PCNX3: variants seen among roughly 807,000 people sequenced by gnomAD.
PCNX3 encodes pecanex-like protein 3.
Under a neutral mutation model 207.2 loss-of-function variants are expected in PCNX3, and 58 were observed. The ratio of observed to expected loss-of-function variants is 0.28; its 90% CI spans 0.23 to 0.35. The LOEUF (loss-of-function observed/expected upper bound fraction) is 0.35, where lower values mean the gene tolerates loss of function less well. PCNX3 is among the 10% of genes least tolerant of loss of function. PCNX3 has a pLI of 1.00. For missense variants in PCNX3, 2,410 were observed against 2,774.4 expected, an observed-to-expected ratio of 0.87 and a Z score of 2.95; for synonymous variants, 1,337 against 1,183.5, an observed-to-expected ratio of 1.13 and a Z score of -2.66.
In PCNX3 at chr11:65,625,633, G is replaced by T; in HGVS notation, c.3136-19G>T. Reference sequence around the variant, plus strand: ...GTCTCTCCTGGCCGGGCAGCTGAATGTCTCTCCTGGCCCTGCAGCGTGAGG... The same window carrying T: ...GTCTCTCCTGGCCGGGCAGCTGAATTTCTCTCCTGGCCCTGCAGCGTGAGG... On this transcript the variant is annotated intron_variant, in intron 18 of 34. Transcript: ENST00000355703. This position sits in a 1 kb window ranked among gnomAD's most constrained non-coding sequence, Gnocchi z 5.6. The T allele has an allele frequency of 6.2e-7, 1 of 1,611,318 alleles. No individual in the cohort carries two copies.
At chr11:65,636,353 C>T (rs749629127) in intron 33 of PCNX3, 38 bp from the exon 34 acceptor site, 2 of 1,596,392 alleles carry the variant, frequency 1.3e-6, no homozygotes, top group African/African-American at 1.3e-5. Flanking sequence ...GGAGTGCAGC[C>T]CAGCTGAGGC....
Position 65,625,715 on chromosome 11 carries a change from A to G in PCNX3, c.3199A>G (p.Ser1067Gly). 1.2e-6 allele frequency: 2 copies of G among 1,611,286 alleles called. No homozygotes were observed. Among genetic ancestry groups the G allele is most frequent in the Non-Finnish European group, 1.7e-6 (2 of 1,179,762 alleles). Residue 1067 changes from serine to glycine, a missense_variant, in exon 19 of 35, where the codon AGC becomes GGC. Ser to Gly is a moderately conservative substitution (Grantham distance 56). This residue lies in a region of PCNX3 where 333 missense variants were observed against 386.8 expected (regional missense o/e 0.86). Coordinates refer to ENST00000355703, the MANE Select transcript of PCNX3 (RefSeq NM_032223.4). This position sits in a 1 kb window ranked among gnomAD's most constrained non-coding sequence, Gnocchi z 5.6. ...GATCGCCGTGCTCACCTTCGCCATC[A>G]GCGCCAGCACCGTCTTTATTGCCCT... Reference protein sequence around the residue: ...VVIAVLTFAISASTVFIALKS... With the variant: ...VVIAVLTFAIGASTVFIALKS...
chr11:65,627,615 T>A, intron 22 of PCNX3, 33 bp downstream of exon 22: 1 of 1,608,660 alleles, frequency 6.2e-7, no homozygotes, highest in Non-Finnish European at 8.5e-7. Flanking sequence ...GACCCCAGGC[T>A]GTCCAATGGG....
chr11:65,626,523 C>T (rs1316708618), intron 20 of PCNX3: 8 of 410,922 alleles, frequency 1.9e-5, no homozygotes, highest in Non-Finnish European at 3.2e-5. Flanking sequence ...TTTTGCTTCC[C>T]AGACTAGCAT....
intron 26 of PCNX3, 89 bp from the exon 27 acceptor site, chr11:65,630,262 G>T (rs897730071): frequency 4.7e-6 from 7 of 1,504,082 alleles, no homozygotes; most frequent in Non-Finnish European, 4.5e-6. Context: ...AATGGCAGCA[G>T]GCCTCTGATG....
At chr11:65,620,722 T>G (rs911116944) in intron 9 of PCNX3, 109 bp from the exon 10 acceptor site, 6 of 1,430,594 alleles carry the variant, frequency 4.2e-6, no homozygotes, top group Non-Finnish European at 4.8e-6. Context: ...TGAGCCCTGG[T>G]TGGTCTCGGC....
At chr11:65,624,775 G>A (rs374829840) in intron 15 of PCNX3, 150 bp from the exon 16 acceptor site, 4 of 945,664 alleles carry the variant, frequency 4.2e-6, no homozygotes, top group South Asian at 1.7e-5. Context: ...AAGCTCTAAA[G>A]GCCGCTTGGG....
rs751630761 is a variant in PCNX3 at position 65,620,432 on chromosome 11, G to A, written c.2099+3G>A. 6.2e-7 allele frequency: 1 copy of A among 1,612,246 alleles called. No homozygotes were observed. Among genetic ancestry groups the A allele is most frequent in the African/African-American group, 1.3e-5 (1 of 74,996 alleles). ...GAGCAGACAGCTAATGGAGCCTGGT[G>A]AGTTCCCAAGCCTGGCCTCCCAAGC... is the stretch of plus-strand genomic sequence containing the variant. On this transcript the variant is annotated splice_donor_region_variant and intron_variant, in intron 9 of 34. Coordinates refer to ENST00000355703, the MANE Select transcript of PCNX3 (RefSeq NM_032223.4).
At position 65,618,503 on chromosome 11, in the gene PCNX3, G is replaced by C; in HGVS notation, c.1141G>C (p.Val381Leu). 3 of 1,610,372 alleles carry C rather than the reference G, an allele frequency of 1.9e-6. No individual in the cohort carries two copies. The highest frequency in any genetic ancestry group is 2.2e-5 in the South Asian group (2 of 90,788). The change falls in exon 6 of 35, where the codon GTG becomes CTG. Residue 381 changes from valine to leucine, a missense_variant. Physicochemically the swap from Val to Leu is conservative, Grantham distance 32. This residue lies in a region of PCNX3 where 1,104 missense variants were observed against 970.3 expected (regional missense o/e 1.14). Transcript: ENST00000355703. ...PPGLAEPLLVVRPKDLALLRP... is the reference protein window; with the variant it reads ...PPGLAEPLLVLRPKDLALLRP... Reference sequence around the variant, plus strand: ...GGGCCTGGCTGAGCCGCTCCTGGTCGTGCGGCCCAAGGACTTGGCCCTGCT... The same window carrying C: ...GGGCCTGGCTGAGCCGCTCCTGGTCCTGCGGCCCAAGGACTTGGCCCTGCT...
At chr11:65,629,765 A>C in intron 26 of PCNX3, 30 bp downstream of exon 26, 1 of 1,545,700 alleles carries the variant, frequency 6.5e-7, no homozygotes, top group Non-Finnish European at 8.7e-7. Context: ...TCGGGTGGGC[A>C]GGCACAGCTC....
At position 65,633,508 on chromosome 11, in the gene PCNX3, C is replaced by T. The variant is rs575697967; in HGVS notation, c.4471-618C>T. 2.9e-3 allele frequency among the ~76,000 whole-genome samples: 436 copies of T among 152,294 alleles called. 2 individuals are homozygous for T. Among genetic ancestry groups the T allele is most frequent in the African/African-American group, 0.01 (425 of 41,572 alleles). On this transcript the variant is annotated intron_variant, in intron 27 of 34. Coordinates refer to ENST00000355703, the MANE Select transcript of PCNX3 (RefSeq NM_032223.4). ...TGATGGGGAAGGTCCGGGGTTCAGG[C>T]GGCAGTTCAGTCTGTTCTGCCCCAC...
At chr11:65,617,192 G>A (rs1053994293) in intron 2 of PCNX3, 58 bp from the exon 3 acceptor site, 126 of 1,484,228 alleles carry the variant, frequency 8.5e-5, no homozygotes, top group African/African-American at 1.1e-4. Context: ...AAGATGGGAG[G>A]AAGTAGCATA....
chr11:65,628,167 C>T (rs1855479139), intron 22 of PCNX3, among the ~76,000 whole-genome samples: 1 of 152,164 alleles, frequency 6.6e-6, no homozygotes, highest in Admixed American at 6.5e-5. Context: ...CCCAGGATGG[C>T]GGTCATCCAC....
At chr11:65,628,003 C>T (rs932566083) in intron 22 of PCNX3, among the ~76,000 whole-genome samples, 8 of 152,192 alleles carry the variant, frequency 5.3e-5, no homozygotes, top group East Asian at 1.9e-4. Flanking sequence ...GGTGCTCTGC[C>T]GGCTGTGGCA....
At chr11:65,626,383 A>G in intron 20 of PCNX3, 1 of 527,960 alleles carries the variant, frequency 1.9e-6, no homozygotes, top group Non-Finnish European at 3.6e-6. Flanking sequence ...CCAGTGGACC[A>G]GAGCTGCCTG....
chr11:65,616,033 C>G lies in PCNX3; in HGVS notation c.-279C>G, dbSNP rs1402973670. The G allele has an allele frequency of 3.9e-6, 1 of 258,466 alleles. No individual in the cohort carries two copies. Among genetic ancestry groups the G allele is most frequent in the Non-Finnish European group, 7.3e-6 (1 of 137,130 alleles). The allele number at this position is 258,466 out of a possible 1,614,324, so 16.0% of individuals were successfully genotyped here. On this transcript the variant is annotated 5_prime_UTR_variant, in exon 1 of 35. Coordinates refer to ENST00000355703, the MANE Select transcript of PCNX3 (RefSeq NM_032223.4). ...CGTGCCCCGCGCCTGCCTGCCGGCT[C>G]GGCCCCTCGGAGCAATTCTGGGCCA...
rs556146283 is a variant in PCNX3, at chr11:65,628,966, C to T, written c.3941+18C>T. ...GACTACAAGTGAGTCTCACAGGAGG[C>T]GGGAGCATGCCCAGCAGGGCAGGAA... On this transcript the variant is annotated intron_variant, in intron 24 of 34. Coordinates refer to ENST00000355703, the MANE Select transcript of PCNX3 (RefSeq NM_032223.4). 52 of 1,609,238 alleles carry T rather than the reference C, an allele frequency of 3.2e-5. No individual in the cohort carries two copies. The highest frequency in any genetic ancestry group is 2.8e-4 in the African/African-American group (21 of 75,034).
At chr11:65,624,398 G>C in intron 14 of PCNX3, 32 bp downstream of exon 14, 1 of 1,551,816 alleles carries the variant, frequency 6.4e-7, no homozygotes. Context: ...GGTGGCCCAG[G>C]AGAGTGAGTC....
In PCNX3 at chr11:65,635,885, C is replaced by A. The variant is rs1169995951; in HGVS notation, c.5459+82C>A. Reference sequence around the variant, plus strand: ...TCCCTCCTGGGTCTCAGAGGGAGGACGTGCTGGAGCCAGGGCTTGAATCCC... The same window carrying A: ...TCCCTCCTGGGTCTCAGAGGGAGGAAGTGCTGGAGCCAGGGCTTGAATCCC... On this transcript the variant is annotated intron_variant, in intron 32 of 34. Coordinates refer to ENST00000355703, the MANE Select transcript of PCNX3 (RefSeq NM_032223.4). The surrounding 1 kb of genome is among the most constrained non-coding windows in gnomAD (Gnocchi z 9.9). The A allele has an allele frequency of 6.8e-7, 1 of 1,475,920 alleles. No individual in the cohort carries two copies. The highest frequency in any genetic ancestry group is 9.0e-7 in the Non-Finnish European group (1 of 1,109,846). 91.4% of individuals were successfully genotyped at this position (1,475,920 alleles called of 1,614,324 possible).
Sources: allele counts gnomAD v4.1 joint callset (sites outside exome capture counted in the v4.1 genomes callset), GRCh38; gene constraint gnomAD v4.1.1; regional missense constraint gnomAD v4.1.1; non-coding constraint Gnocchi (gnomAD v3.1); transcripts MANE v1.5; gene names NCBI Gene and HGNC (gene_info 2026-07-23, HGNC 2026-07-21).